The following WDR70 variants were observed in gnomAD, a reference collection of about 807,000 sequenced individuals.
WDR70 encodes WD repeat domain 70.
Under a neutral mutation model 88.6 loss-of-function variants are expected in WDR70, and 53 were observed. The observed-to-expected ratio is 0.60, with a 90% CI of 0.48 to 0.75. WDR70 has a LOEUF of 0.75. Among genes scored for constraint, WDR70 ranks in the 30% least tolerant of loss-of-function variants. The pLI is 0.00. For synonymous variants in WDR70, 280 were observed against 270.0 expected, an observed-to-expected ratio of 1.04 and a Z score of -0.36; for missense variants, 610 against 823.2, an observed-to-expected ratio of 0.74 and a Z score of 3.17.
chr5:37,743,548 A>G (rs1296199334), intron 17 of WDR70, among the ~76,000 whole-genome samples: 1 of 152,152 alleles, frequency 6.6e-6, no homozygotes, highest in Non-Finnish European at 1.5e-5. Flanking sequence ...GGCAGCACCC[A>G]TTTCTATAAC....
At chr5:37,469,398 G>A (rs752318183) in intron 7 of WDR70, among the ~76,000 whole-genome samples, 3 of 152,092 alleles carry the variant, frequency 2.0e-5, no homozygotes, top group Non-Finnish European at 2.9e-5. Flanking sequence ...GTGATGTCTT[G>A]GATATTCTGT....
intron 7 of WDR70, among the ~76,000 whole-genome samples, chr5:37,460,723 T>TAAAAAAA (rs201936285): frequency 7.0e-6 from 1 of 143,332 alleles, no homozygotes; most frequent in East Asian, 2.1e-4. Flanking sequence ...AAATAAAAAA[T>TAAAAAAA]AAAAACAAAA....
chr5:37,661,021 A>G lies in WDR70; in HGVS notation c.1093-36634A>G, dbSNP rs183188955. 6.5e-3 allele frequency among the ~76,000 whole-genome samples: 985 copies of G among 152,342 alleles called. 10 individuals carry two copies. Among genetic ancestry groups the G allele is most frequent in the African/African-American group, 0.023 (936 of 41,570 alleles). ...TGTACATAGTTTTCATGCAAATACT[A>G]CACCATTTTATATATGGGACTTGTG... is the stretch of plus-strand genomic sequence containing the variant. On this transcript the variant is annotated intron_variant, in intron 10 of 17. Transcript: ENST00000265107.
At chr5:37,495,953 A>G (rs1740203437) in intron 8 of WDR70, among the ~76,000 whole-genome samples, 3 of 152,304 alleles carry the variant, frequency 2.0e-5, no homozygotes, top group South Asian at 4.2e-4. Context: ...TTAACCTACT[A>G]TCTGTGTTCT....
chr5:37,486,795 C>T (rs1222770753), intron 8 of WDR70, among the ~76,000 whole-genome samples: 1 of 144,806 alleles, frequency 6.9e-6, no homozygotes, highest in African/African-American at 2.6e-5. Context: ...TGTTTATGTT[C>T]TTTGCCCACT....
chr5:37,620,376 C>T (rs1744475117), intron 10 of WDR70, among the ~76,000 whole-genome samples: 1 of 152,172 alleles, frequency 6.6e-6, no homozygotes, highest in Admixed American at 6.5e-5. Context: ...AAGAGCAAAT[C>T]ACTCCATTTT....
At chr5:37,595,324 A>G (rs1161929262) in intron 9 of WDR70, among the ~76,000 whole-genome samples, 2 of 152,212 alleles carry the variant, frequency 1.3e-5, no homozygotes, top group Non-Finnish European at 1.5e-5. Flanking sequence ...AACAATTGTT[A>G]ATAAAATTGT....
intron 10 of WDR70, among the ~76,000 whole-genome samples, chr5:37,677,032 G>A (rs1047862124): frequency 5.3e-5 from 8 of 152,136 alleles, no homozygotes; most frequent in Admixed American, 1.3e-4. Flanking sequence ...AGAGGTGTTT[G>A]TAGTATTCTC....
chr5:37,517,910 TTATTA>T (rs1740942399), intron 9 of WDR70, among the ~76,000 whole-genome samples: 2 of 148,156 alleles, frequency 1.3e-5, no homozygotes, highest in Admixed American at 6.8e-5. Flanking sequence ...TTTATTTTAT[TTATTA>T]TATTATTTAT....
chr5:37,732,401 T>TA (rs1748172387), intron 17 of WDR70, among the ~76,000 whole-genome samples: 1 of 152,174 alleles, frequency 6.6e-6, no homozygotes, highest in Non-Finnish European at 1.5e-5. Context: ...TGTACTTCTA[T>TA]AAAAAACTAT....
chr5:37,749,835 A>AAAC (rs1748750800), intron 17 of WDR70, among the ~76,000 whole-genome samples: 1 of 151,146 alleles, frequency 6.6e-6, no homozygotes, highest in East Asian at 1.9e-4. Context: ...TAGGTGAAAA[A>AAAC]AAAAACCAAA....
At chr5:37,454,263 C>G (rs187553784) in intron 7 of WDR70, among the ~76,000 whole-genome samples, 1 of 152,192 alleles carries the variant, frequency 6.6e-6, no homozygotes, top group Admixed American at 6.5e-5. Flanking sequence ...ATCACTGGCT[C>G]TGCACTGTAA....
At chr5:37,628,302 T>C (rs916790568) in intron 10 of WDR70, among the ~76,000 whole-genome samples, 1 of 152,132 alleles carries the variant, frequency 6.6e-6, no homozygotes, top group Non-Finnish European at 1.5e-5. Flanking sequence ...GGGGTGAAAT[T>C]CCCTACTACA....
At chr5:37,511,144 T>C (rs552247537) in intron 8 of WDR70, among the ~76,000 whole-genome samples, 74 of 152,350 alleles carry the variant, frequency 4.9e-4, no homozygotes, top group African/African-American at 1.7e-3. Context: ...TTAGCATCTA[T>C]TGATGATTCT....
chr5:37,433,367 C>G (rs767267306), intron 5 of WDR70, among the ~76,000 whole-genome samples: 3 of 152,128 alleles, frequency 2.0e-5, no homozygotes, highest in Non-Finnish European at 4.4e-5. Flanking sequence ...GGCCTAAAAT[C>G]TCAGACTTTA....
At chr5:37,386,957 G>A (rs1317273534) in intron 3 of WDR70, among the ~76,000 whole-genome samples, 1 of 152,066 alleles carries the variant, frequency 6.6e-6, no homozygotes, top group African/African-American at 2.4e-5. Context: ...AATTAACCGG[G>A]TGTGGGTGGT....
At chr5:37,705,800 C>G (rs1212367116) in intron 13 of WDR70, among the ~76,000 whole-genome samples, 41 of 152,134 alleles carry the variant, frequency 2.7e-4, no homozygotes, top group Non-Finnish European at 5.9e-4. Flanking sequence ...AAGGCAGCAT[C>G]TCAGATTCTT....
At chr5:37,682,028 G>C (rs930511996) in intron 10 of WDR70, among the ~76,000 whole-genome samples, 1 of 152,078 alleles carries the variant, frequency 6.6e-6, no homozygotes, top group Non-Finnish European at 1.5e-5. Flanking sequence ...TTGTACATCT[G>C]GAAAAATTCA....
At chr5:37,539,752 C>G (rs1741761628) in intron 9 of WDR70, among the ~76,000 whole-genome samples, 1 of 152,242 alleles carries the variant, frequency 6.6e-6, no homozygotes, top group Non-Finnish European at 1.5e-5. Flanking sequence ...TTTGGCGAGT[C>G]TGCCTACTGC....
Sources: allele counts gnomAD v4.1 joint callset (sites outside exome capture counted in the v4.1 genomes callset), GRCh38; gene constraint gnomAD v4.1.1; transcripts MANE v1.5; gene names NCBI Gene and HGNC (gene_info 2026-07-23, HGNC 2026-07-21).